The following PAX2 variants were observed in gnomAD, a reference collection of about 807,000 sequenced individuals.
PAX2 encodes the protein paired box 2.
A neutral mutation model predicts 41.7 loss-of-function variants in PAX2; 9 were observed. The observed-to-expected ratio is 0.22, with a 90% confidence interval of 0.13 to 0.38. The LOEUF (loss-of-function observed/expected upper bound fraction) is 0.38. PAX2 is among the 10% of genes least tolerant of loss of function. PAX2 has a pLI of 1.00. For synonymous variants in PAX2, 221 were observed against 212.7 expected, an observed-to-expected ratio of 1.04 and a Z score of -0.34; for missense variants, 418 against 531.6, an observed-to-expected ratio of 0.79 and a Z score of 2.10.
In PAX2 at chr10:100,773,557, A is replaced by G. The variant is rs528156767; in HGVS notation, c.411-5941A>G. On this transcript the variant is annotated intron_variant, in intron 3 of 9. Transcript: ENST00000355243. Reference sequence around the variant, plus strand: ...AGGCGGACGGTGGATGGATGGATAGATGAATAGATACATTTGTACTAAGTA... The same window carrying G: ...AGGCGGACGGTGGATGGATGGATAGGTGAATAGATACATTTGTACTAAGTA... Among the ~76,000 whole-genome samples, 9 of 152,358 alleles carry G rather than the reference A, an allele frequency of 5.9e-5. No individual in the cohort carries two copies. In the South Asian group the frequency reaches 1.5e-3, roughly 25 times the overall value.
At chr10:100,782,876 T>C (rs1447903741) in intron 5 of PAX2, among the ~76,000 whole-genome samples, 1 of 152,244 alleles carries the variant, frequency 6.6e-6, no homozygotes, top group African/African-American at 2.4e-5. Flanking sequence ...CCAAGTGCTT[T>C]GGTAGAATCT....
At chr10:100,766,249 T>C (rs1846025262) in intron 3 of PAX2, among the ~76,000 whole-genome samples, 1 of 152,172 alleles carries the variant, frequency 6.6e-6, no homozygotes, top group Non-Finnish European at 1.5e-5. Flanking sequence ...TCTGTATATT[T>C]TGCAGTCTCT....
At chr10:100,746,531 A>G (rs1472160918) in intron 1 of PAX2, among the ~76,000 whole-genome samples, 1 of 151,358 alleles carries the variant, frequency 6.6e-6, no homozygotes, top group African/African-American at 2.4e-5. Context: ...CTGCCTTCCT[A>G]CCTTCCCTGA....
At chr10:100,781,393 C>G in intron 5 of PAX2, 28 bp downstream of exon 5, 1 of 1,613,318 alleles carries the variant, frequency 6.2e-7, no homozygotes, top group Non-Finnish European at 8.5e-7. Context: ...GGTGTGGCTT[C>G]CCCTTCACAT....
intron 3 of PAX2, among the ~76,000 whole-genome samples, chr10:100,767,620 C>T (rs1656305739): frequency 2.6e-5 from 4 of 152,096 alleles, no homozygotes; most frequent in South Asian, 4.2e-4. Context: ...CACGGAGTAT[C>T]GATTCAGTCT....
At chr10:100,792,106 G>A (rs1225034104) in intron 5 of PAX2, among the ~76,000 whole-genome samples, 1 of 152,230 alleles carries the variant, frequency 6.6e-6, no homozygotes, top group Non-Finnish European at 1.5e-5. Flanking sequence ...AATTATTGGA[G>A]TCTTTTAAGG....
intron 4 of PAX2, among the ~76,000 whole-genome samples, chr10:100,780,623 G>A (rs1263891630): frequency 1.3e-5 from 2 of 152,196 alleles, no homozygotes; most frequent in Non-Finnish European, 2.9e-5. Context: ...GGGGAAATTA[G>A]GAGTTTCTCA....
chr10:100,739,751 CG>C (rs1446525200), intron 1 of PAX2, among the ~76,000 whole-genome samples: 2 of 152,248 alleles, frequency 1.3e-5, no homozygotes, highest in East Asian at 3.8e-4. Context: ...GAGGTAACGC[CG>C]GGGACGTCCT....
upstream of PAX2, among the ~76,000 whole-genome samples, chr10:100,744,583 C>A (rs1440310603): frequency 6.6e-6 from 1 of 152,204 alleles, no homozygotes; most frequent in Non-Finnish European, 1.5e-5. Flanking sequence ...ACCGAGCTAG[C>A]AGCGGGCGGC....
intron 7 of PAX2, among the ~76,000 whole-genome samples, chr10:100,812,641 A>G (rs183384322): frequency 5.9e-5 from 9 of 152,312 alleles, no homozygotes; most frequent in African/African-American, 2.2e-4. Context: ...TCCCTGGAAG[A>G]AAAGATAGTC....
chr10:100,745,500 A>T (rs1359889362), upstream of PAX2, among the ~76,000 whole-genome samples: 1 of 152,024 alleles, frequency 6.6e-6, no homozygotes. Flanking sequence ...CAAGTCATCC[A>T]TCTCCCGGCG....
intron 5 of PAX2, among the ~76,000 whole-genome samples, chr10:100,783,395 C>T (rs1021831806): frequency 7.9e-5 from 12 of 152,148 alleles, no homozygotes; most frequent in Admixed American, 4.6e-4. Context: ...AGGAACTGGG[C>T]TGGGGAGGGA....
At chr10:100,740,601 A>G (rs1440993396), upstream of PAX2, among the ~76,000 whole-genome samples, 1 of 152,182 alleles carries the variant, frequency 6.6e-6, no homozygotes, top group African/African-American at 2.4e-5. Flanking sequence ...TCCATAATCT[A>G]CTAGAGAAAT....
At position 100,745,592 on chromosome 10, in the gene PAX2, C is replaced by A. The variant is rs998098404; in HGVS notation, c.-669C>A. On this transcript the variant is annotated 5_prime_UTR_variant, in exon 1 of 10. Transcript: ENST00000355243. ...GGGAGCCGAGGCTCCAGTCTCCGGC[C>A]GAGTCTTCTCGCAGCCGCAACCCAC... 9.5e-6 allele frequency: 2 copies of A among 210,902 alleles called. No individual in the cohort carries two copies. Among genetic ancestry groups the A allele is most frequent in the Non-Finnish European group, 1.8e-5 (2 of 113,112 alleles). 13.1% of individuals were successfully genotyped at this position (210,902 alleles called of 1,614,324 possible). A position where few individuals can be genotyped will look rare whatever the true frequency, so the allele number is the denominator to read the frequency against.
chr10:100,776,710 C>T (rs921456422), intron 3 of PAX2, among the ~76,000 whole-genome samples: 2 of 152,142 alleles, frequency 1.3e-5, no homozygotes. Context: ...CCAACATCAC[C>T]ACTTCCCTCC....
At chr10:100,737,418 C>T (rs1288149445) in intron 1 of PAX2, among the ~76,000 whole-genome samples, 1 of 152,264 alleles carries the variant, frequency 6.6e-6, no homozygotes, top group East Asian at 1.9e-4. Context: ...CGGCCGCTTA[C>T]CCGGCGCGCG....
intron 1 of PAX2, among the ~76,000 whole-genome samples, chr10:100,738,410 G>T (rs1164903760): frequency 1.3e-5 from 2 of 152,130 alleles, no homozygotes; most frequent in African/African-American, 4.8e-5. Context: ...TGCTGGATAT[G>T]GGTCCCCAGC....
intron 3 of PAX2, among the ~76,000 whole-genome samples, chr10:100,777,232 G>C (rs920574218): frequency 1.2e-4 from 18 of 151,334 alleles, no homozygotes; most frequent in African/African-American, 4.1e-4. Flanking sequence ...CTCCTGAGTA[G>C]CTGGGATTAC....
Position 100,821,117 on chromosome 10 carries a change from C to T in PAX2, c.920-3531C>T, listed in dbSNP as rs115713477. Reference sequence around the variant, plus strand: ...ATATTCTTTCACTAAAAGAGGCTTGCTCAAAGAATGCTGCTGGGCAAATGG... The same window carrying T: ...ATATTCTTTCACTAAAAGAGGCTTGTTCAAAGAATGCTGCTGGGCAAATGG... On this transcript the variant is annotated intron_variant, in intron 7 of 9. Transcript: ENST00000355243. Among the ~76,000 whole-genome samples the T allele has an allele frequency of 5.0e-3, 755 of 152,282 alleles. 5 individuals carry two copies. Among genetic ancestry groups the T allele is most frequent in the African/African-American group, 0.017 (718 of 41,544 alleles).
Sources: allele counts gnomAD v4.1 joint callset (sites outside exome capture counted in the v4.1 genomes callset), GRCh38; gene constraint gnomAD v4.1.1; transcripts MANE v1.5; gene names NCBI Gene and HGNC (gene_info 2026-07-23, HGNC 2026-07-21).